Variants in MYO1E observed in about 807,000 individuals in gnomAD.
MYO1E encodes myosin IE.
A neutral mutation model predicts 151.1 loss-of-function variants in MYO1E; 68 were observed. The ratio of observed to expected loss-of-function variants is 0.45; its 90% CI spans 0.37 to 0.55. The LOEUF (loss-of-function observed/expected upper bound fraction) is 0.55. Ranked by LOEUF, MYO1E falls within the 20% of genes least tolerant of loss-of-function variation. The probability of loss-of-function intolerance (pLI) is 0.00; values close to 1 mark genes in which losing one functional copy is unlikely to be tolerated. For missense variants in MYO1E, 1,363 were observed against 1,389.3 expected (o/e 0.98, Z 0.30); for synonymous variants, 601 against 501.7 (o/e 1.20, Z -2.64).
At chr15:59,263,295 G>A (rs1296695456) in intron 2 of MYO1E, among the ~76,000 whole-genome samples, 1 of 152,146 alleles carries the variant, frequency 6.6e-6, no homozygotes, top group African/African-American at 2.4e-5. Flanking sequence ...CTACCTGATA[G>A]TCTCATTTTA....
intron 4 of MYO1E, among the ~76,000 whole-genome samples, chr15:59,249,383 C>T (rs2080150484): frequency 6.7e-6 from 1 of 149,028 alleles, no homozygotes; most frequent in Non-Finnish European, 1.5e-5. Context: ...TGAGATCACG[C>T]CATTGCACTC....
intron 23 of MYO1E, among the ~76,000 whole-genome samples, chr15:59,162,700 A>G (rs1399295307): frequency 6.6e-6 from 1 of 151,830 alleles, no homozygotes; most frequent in Non-Finnish European, 1.5e-5. Flanking sequence ...CACCTACACA[A>G]TACGTTGGCC....
At chr15:59,178,334 G>A in intron 19 of MYO1E, 59 bp downstream of exon 19, 1 of 1,599,196 alleles carries the variant, frequency 6.3e-7, no homozygotes. Context: ...GAGGGGTGGA[G>A]CAGGGCTGGC....
chr15:59,284,963 T>G (rs1376943782), intron 1 of MYO1E, among the ~76,000 whole-genome samples: 11 of 152,206 alleles, frequency 7.2e-5, no homozygotes, highest in African/African-American at 2.7e-4. Context: ...GTCACACTGA[T>G]GTTAGTCCCT....
chr15:59,336,782 C>A (rs1596426389), intron 1 of MYO1E, among the ~76,000 whole-genome samples: 2 of 121,484 alleles, frequency 1.6e-5, no homozygotes, highest in African/African-American at 6.3e-5. Context: ...GTGTGATGTT[C>A]CCCTCCCTGG....
In MYO1E at chr15:59,227,425, AG is replaced by A. The variant is rs772492186; in HGVS notation, c.642+33del. On this transcript the variant is annotated intron_variant, in intron 7 of 27. Coordinates refer to ENST00000288235, the MANE Select transcript of MYO1E (RefSeq NM_004998.4). The stretch of plus-strand genomic sequence containing the variant: ...AAATATTTTAATGTAGAGAAGGGAC[AG>A]GAAGTGGGTAGGAAAAAAGTAAACA... 1.9e-6 allele frequency: 3 copies of A among 1,613,086 alleles called. No homozygotes were observed. In the South Asian group the frequency reaches 3.3e-5, roughly 18 times the overall value.
At chr15:59,344,515 C>G (rs577140348) in intron 1 of MYO1E, among the ~76,000 whole-genome samples, 1 of 152,304 alleles carries the variant, frequency 6.6e-6, no homozygotes, top group South Asian at 2.1e-4. Context: ...AATTATCTGG[C>G]CTATGTTCCC....
At chr15:59,137,531 A>G (rs947667545) in intron 27 of MYO1E, 75 bp from the exon 28 acceptor site, 35 of 1,209,994 alleles carry the variant, frequency 2.9e-5, no homozygotes, top group African/African-American at 6.0e-5. Flanking sequence ...CTCCGCTCCC[A>G]TGGGCTCAAG....
At chr15:59,234,246 G>GGATGGATGGATGGA (rs1566987682) in intron 5 of MYO1E, among the ~76,000 whole-genome samples, 145 of 141,868 alleles carry the variant, frequency 1.0e-3, no homozygotes, top group African/African-American at 3.1e-3. Context: ...GGATGGATGG[G>GGATGGATGGATGGA]TGCATGGATG....
intron 1 of MYO1E, among the ~76,000 whole-genome samples, chr15:59,348,480 G>A (rs2080806460): frequency 6.6e-6 from 1 of 152,186 alleles, no homozygotes. Context: ...CATCCAGGAA[G>A]CTTTGAAAAG....
intron 1 of MYO1E, among the ~76,000 whole-genome samples, chr15:59,283,466 T>A (rs1347547021): frequency 6.6e-6 from 1 of 152,164 alleles, no homozygotes. Context: ...CAGCATTACC[T>A]GAGTGCCTGG....
At chr15:59,268,407 C>G (rs1413063066) in intron 2 of MYO1E, among the ~76,000 whole-genome samples, 1 of 152,178 alleles carries the variant, frequency 6.6e-6, no homozygotes, top group Non-Finnish European at 1.5e-5. Context: ...ATTAGTCAGT[C>G]ATCGATTCAA....
At chr15:59,316,193 A>T (rs903702864) in intron 1 of MYO1E, among the ~76,000 whole-genome samples, 2 of 152,242 alleles carry the variant, frequency 1.3e-5, no homozygotes, top group African/African-American at 4.8e-5. Context: ...AATTTAGTGT[A>T]TCCAGGTTTA....
rs1183641355 is a variant in MYO1E, at chr15:59,207,301, A to G, written c.1530+1380T>C. 3.7e-6 allele frequency: 6 copies of G among 1,614,054 alleles called. No individual in the cohort carries two copies. The African/African-American group carries it at 8.0e-5, about 22-fold the overall frequency. ...GGATCTTCAACATGGCAGCCCTTTC[A>G]CGAAAATGCCAAATATTGTTTGTAG... On this transcript the variant is annotated intron_variant, in intron 14 of 27. Transcript: ENST00000288235.
intron 1 of MYO1E, among the ~76,000 whole-genome samples, chr15:59,274,837 G>A (rs983034751): frequency 1.3e-5 from 2 of 152,026 alleles, no homozygotes; most frequent in Admixed American, 6.5e-5. Context: ...AAGCACTCAC[G>A]GTAGAGTTCA....
chr15:59,338,380 T>G (rs901931149), intron 1 of MYO1E, among the ~76,000 whole-genome samples: 1 of 152,170 alleles, frequency 6.6e-6, no homozygotes. Context: ...GCAAACTTTC[T>G]GAGTTTTTCA....
At chr15:59,339,718 G>A (rs1389906262) in intron 1 of MYO1E, among the ~76,000 whole-genome samples, 1 of 152,178 alleles carries the variant, frequency 6.6e-6, no homozygotes, top group Non-Finnish European at 1.5e-5. Flanking sequence ...TCCATGTATG[G>A]TGGCTCCAGC....
chr15:59,223,146 C>T lies in MYO1E; in HGVS notation c.823G>A (p.Val275Met), dbSNP rs2079966777. 1 of 1,614,062 alleles carries T rather than the reference C, an allele frequency of 6.2e-7. No homozygotes were observed. Among genetic ancestry groups the T allele is most frequent in the Admixed American group, 1.7e-5 (1 of 60,002 alleles). ...IGIFAEEQTLVLQIVAGILHL... is the reference protein window; with the variant it reads ...IGIFAEEQTLMLQIVAGILHL... Reference sequence around the variant, plus strand: ...AGAATACCCGCCACTATCTGCAACACCAGCGTTTGCTCTTCTGCAAAGATC... The same window carrying T: ...AGAATACCCGCCACTATCTGCAACATCAGCGTTTGCTCTTCTGCAAAGATC... Residue 275 changes from valine (V) to methionine (M), a missense_variant, in exon 9 of 28, where the codon GTG becomes ATG. Val to Met is a conservative substitution (Grantham distance 21). Transcript: ENST00000288235.
At chr15:59,236,455 G>T (rs1476384618) in intron 5 of MYO1E, 130 bp downstream of exon 5, 1 of 703,976 alleles carries the variant, frequency 1.4e-6, no homozygotes, top group Non-Finnish European at 2.5e-6. Context: ...TTCCATTCCA[G>T]ATTTCAAGTT....
Sources: allele counts gnomAD v4.1 joint callset (sites outside exome capture counted in the v4.1 genomes callset), GRCh38; gene constraint gnomAD v4.1.1; transcripts MANE v1.5; gene names NCBI Gene and HGNC (gene_info 2026-07-23, HGNC 2026-07-21).